SH3GL3: variants seen among roughly 807,000 people sequenced by gnomAD.
SH3GL3 encodes the protein endophilin-A3.
A neutral mutation model predicts 47.7 loss-of-function variants in SH3GL3; 33 were observed. The ratio of observed to expected loss-of-function variants is 0.69; its 90% CI spans 0.52 to 0.92. The LOEUF (loss-of-function observed/expected upper bound fraction) is 0.92. Among genes scored for constraint, SH3GL3 ranks in the 40% least tolerant of loss-of-function variants. The pLI, the probability that SH3GL3 is intolerant of heterozygous loss-of-function variation, is 0.00. For missense variants in SH3GL3, 363 were observed against 417.8 expected (o/e 0.87, Z 1.14); for synonymous variants, 155 against 148.8 (o/e 1.04, Z -0.30).
chr15:83,518,228 A>G (rs2043066257), intron 1 of SH3GL3, among the ~76,000 whole-genome samples: 1 of 152,150 alleles, frequency 6.6e-6, no homozygotes, highest in South Asian at 2.1e-4. Context: ...TGGTAGAATG[A>G]TTTATTTTCC....
intron 1 of SH3GL3, among the ~76,000 whole-genome samples, chr15:83,528,936 A>AT (rs1026020811): frequency 2.6e-5 from 4 of 151,888 alleles, no homozygotes; most frequent in African/African-American, 9.7e-5. Flanking sequence ...CACTTCTTCC[A>AT]TTTTTTTGGA....
At chr15:83,593,212 A>G (rs555911681) in intron 8 of SH3GL3, among the ~76,000 whole-genome samples, 1 of 152,324 alleles carries the variant, frequency 6.6e-6, no homozygotes, top group East Asian at 1.9e-4. Flanking sequence ...TTAGAGATCA[A>G]ATTTTCAATG....
chr15:83,628,697 C>T, the SH3GL3 span, among the ~76,000 whole-genome samples: 3 of 152,084 alleles, frequency 2.0e-5, no homozygotes, highest in African/African-American at 7.2e-5. Flanking sequence ...GAGCTGAGAT[C>T]ACGCCATTCA....
In SH3GL3 at chr15:83,572,735, A is replaced by G. The variant is rs760666921; in HGVS notation, c.465+37A>G. The G allele has an allele frequency of 1.6e-5, 23 of 1,467,038 alleles. No homozygotes were observed. In the Middle Eastern group the frequency reaches 6.3e-4, roughly 40 times the overall value. 90.9% of individuals were successfully genotyped at this position (1,467,038 alleles called of 1,614,324 possible). A position where few individuals can be genotyped will look rare whatever the true frequency, so the allele number is the denominator to read the frequency against. ...AGGGTATAAATATACCTGTTGCTAC[A>G]TAAGATGATGTTTATATTTAAAATC... On this transcript the variant is annotated intron_variant, in intron 5 of 8. Coordinates refer to ENST00000427482, the MANE Select transcript of SH3GL3 (RefSeq NM_003027.5).
chr15:83,453,601 G>C (rs1180027332), intron 1 of SH3GL3, among the ~76,000 whole-genome samples: 1 of 151,458 alleles, frequency 6.6e-6, no homozygotes, highest in South Asian at 2.1e-4. Context: ...GCGTAGAGGT[G>C]TTTGTAGTAT....
chr15:83,475,123 A>C (rs372777433), intron 1 of SH3GL3, among the ~76,000 whole-genome samples: 4 of 151,358 alleles, frequency 2.6e-5, no homozygotes, highest in African/African-American at 4.8e-5. Context: ...TATTTTAATA[A>C]ATTTTATATA....
chr15:83,588,836 A>G lies in SH3GL3; in HGVS notation c.838+65A>G. The G allele has an allele frequency of 7.1e-6, 6 of 850,846 alleles. No homozygotes were observed. The South Asian group carries it at 8.3e-5, about 12-fold the overall frequency. The allele number at this position is 850,846 out of a possible 1,614,324, so 52.7% of individuals were successfully genotyped here. A position where few individuals can be genotyped will look rare whatever the true frequency, so the allele number is the denominator to read the frequency against. On this transcript the variant is annotated intron_variant, in intron 8 of 8. Transcript: ENST00000427482. ...AAAGCACTTCTAGAAACACTTATTT[A>G]CTGCTTGTTTCTGGGTCAGTGAATA...
chr15:83,585,579 C>G (rs962714910), intron 6 of SH3GL3, among the ~76,000 whole-genome samples: 9 of 152,160 alleles, frequency 5.9e-5, no homozygotes, highest in Non-Finnish European at 1.3e-4. Flanking sequence ...TACGATCGTG[C>G]TAGGCCATGG....
At chr15:83,608,991 C>T (rs889363215) in intron 8 of SH3GL3, among the ~76,000 whole-genome samples, 3 of 152,112 alleles carry the variant, frequency 2.0e-5, no homozygotes, top group South Asian at 2.1e-4. Context: ...AGGAAGTGAG[C>T]GGAATATAAG....
chr15:83,562,029 CA>C (rs1194843325), intron 2 of SH3GL3, among the ~76,000 whole-genome samples: 28 of 105,962 alleles, frequency 2.6e-4, no homozygotes, highest in African/African-American at 7.8e-4. Flanking sequence ...CACACACACA[CA>C]ACACACACAC....
intron 1 of SH3GL3, among the ~76,000 whole-genome samples, chr15:83,468,354 A>G (rs978162313): frequency 2.6e-5 from 4 of 152,092 alleles, no homozygotes; most frequent in African/African-American, 9.7e-5. Flanking sequence ...TCTGTAGGCT[A>G]TTTATTTTCT....
intron 6 of SH3GL3, among the ~76,000 whole-genome samples, chr15:83,578,453 G>A (rs538252607): frequency 1.3e-5 from 2 of 152,298 alleles, no homozygotes; most frequent in East Asian, 3.9e-4. Flanking sequence ...GGTACACTGA[G>A]GTCTTACATC....
intron 1 of SH3GL3, among the ~76,000 whole-genome samples, chr15:83,459,214 G>C (rs2040152230): frequency 6.6e-6 from 1 of 152,246 alleles, no homozygotes; most frequent in South Asian, 2.1e-4. Flanking sequence ...TAGCTGCGCT[G>C]TCGGCTGATT....
intron 1 of SH3GL3, among the ~76,000 whole-genome samples, chr15:83,552,398 A>G (rs2044708822): frequency 6.6e-6 from 1 of 152,094 alleles, no homozygotes; most frequent in South Asian, 2.1e-4. Context: ...TTTTCTTTTT[A>G]ATCTGTTATT....
At chr15:83,616,402 C>T (rs1002304855) in intron 8 of SH3GL3, among the ~76,000 whole-genome samples, 16 of 151,792 alleles carry the variant, frequency 1.1e-4, no homozygotes, top group South Asian at 4.2e-4. Context: ...TACAGGTGCC[C>T]GCCACCACGC....
At chr15:83,471,917 C>A (rs1324406343) in intron 1 of SH3GL3, among the ~76,000 whole-genome samples, 1 of 151,768 alleles carries the variant, frequency 6.6e-6, no homozygotes, top group Non-Finnish European at 1.5e-5. Flanking sequence ...GAGTCTCGCT[C>A]TTGTCACTCA....
intron 1 of SH3GL3, among the ~76,000 whole-genome samples, chr15:83,497,686 C>T (rs896224165): frequency 1.3e-5 from 2 of 152,196 alleles, no homozygotes; most frequent in African/African-American, 4.8e-5. Context: ...CATATCTCTA[C>T]CCACTGCTTT....
At chr15:83,553,923 C>T (rs2151729227) in intron 1 of SH3GL3, among the ~76,000 whole-genome samples, 1 of 151,864 alleles carries the variant, frequency 6.6e-6, no homozygotes. Context: ...TACTTTCCCT[C>T]TTGGTTCGGT....
intron 2 of SH3GL3, among the ~76,000 whole-genome samples, chr15:83,562,013 A>T (rs1268051058): frequency 6.9e-6 from 1 of 145,538 alleles, no homozygotes; most frequent in Non-Finnish European, 1.5e-5. Context: ...GGTTGACTTG[A>T]ACAGACACAC....
Sources: allele counts gnomAD v4.1 joint callset (sites outside exome capture counted in the v4.1 genomes callset), GRCh38; gene constraint gnomAD v4.1.1; transcripts MANE v1.5; gene names NCBI Gene and HGNC (gene_info 2026-07-23, HGNC 2026-07-21).